C3orf70: variants seen among roughly 807,000 people sequenced by gnomAD.
C3orf70 encodes the protein UPF0524 protein C3orf70.
A neutral mutation model predicts 20.7 loss-of-function variants in C3orf70; 15 were observed. The observed-to-expected ratio is 0.72, with a 90% CI of 0.48 to 1.11. The LOEUF (loss-of-function observed/expected upper bound fraction) is 1.11, where lower values mean the gene tolerates loss of function less well. C3orf70 is among the 50% of genes most tolerant of loss of function. C3orf70 has a pLI of 0.00. For synonymous variants in C3orf70, 161 were observed against 125.7 expected (o/e 1.28, Z -1.88); for missense variants, 332 against 317.6 (o/e 1.05, Z -0.34).
At chr3:185,084,550 C>T (rs975494389) in intron 1 of C3orf70, among the ~76,000 whole-genome samples, 1 of 151,682 alleles carries the variant, frequency 6.6e-6, no homozygotes, top group Middle Eastern at 3.2e-3. Flanking sequence ...ACTAAGCGAC[C>T]TAAGCCAAGC....
chr3:185,091,945 ATATATATATATATATATATTT>A (rs1561330909), intron 1 of C3orf70, among the ~76,000 whole-genome samples: 282 of 6,902 alleles, frequency 0.041, 22 homozygotes, highest in African/African-American at 0.067. Context: ...ATATATATAT[ATATATATATATATATATATTT>A]TTTTTTTTTT....
In C3orf70 at chr3:185,114,910, T is replaced by A. The variant is rs1469530615; in HGVS notation, c.197-31347A>T. Among the ~76,000 whole-genome samples, 3 of 152,192 alleles carry A rather than the reference T, an allele frequency of 2.0e-5. No individual in the cohort carries two copies. The East Asian group carries it at 5.8e-4, about 29-fold the overall frequency. Reference sequence around the variant, plus strand: ...TTGTTTTCAATAAGAAGCCCTAAACTCTGAGGCAGAAGGCCAGATTCTTAC... The same window carrying A: ...TTGTTTTCAATAAGAAGCCCTAAACACTGAGGCAGAAGGCCAGATTCTTAC... On this transcript the variant is annotated intron_variant, in intron 1 of 1. Coordinates refer to ENST00000335012, the MANE Select transcript of C3orf70 (RefSeq NM_001025266.3).
Position 185,152,721 on chromosome 3 carries a change from A to G in C3orf70, c.103T>C (p.Phe35Leu). 1 of 1,594,386 alleles carries G rather than the reference A, an allele frequency of 6.3e-7. No individual in the cohort carries two copies. The highest frequency in any genetic ancestry group is 8.5e-7 in the Non-Finnish European group (1 of 1,171,028). ...ARSCAARRPD[F>L]QPCDGLSICA... ...ATAGACAGCCCGTCGCACGGCTGGA[A>G]GTCGGGTCTGCGGGCGGCGCAACTC... The change falls in exon 1 of 2, where the codon TTC becomes CTC. Residue 35 changes from phenylalanine to leucine, a missense_variant. Physicochemically the swap from Phe to Leu is conservative, Grantham distance 22. Transcript: ENST00000335012.
chr3:185,086,992 G>A (rs781613889), intron 1 of C3orf70, among the ~76,000 whole-genome samples: 1 of 152,056 alleles, frequency 6.6e-6, no homozygotes, highest in Non-Finnish European at 1.5e-5. Flanking sequence ...ATATCCCTGG[G>A]GTATCCTAGG....
intron 1 of C3orf70, among the ~76,000 whole-genome samples, chr3:185,106,003 A>C (rs1182726961): frequency 6.6e-6 from 1 of 152,154 alleles, no homozygotes; most frequent in African/African-American, 2.4e-5. Context: ...AAGGAAGGAG[A>C]GGTTCATCCC....
Position 185,083,135 on chromosome 3 carries a change from C to A in C3orf70, c.625G>T (p.Glu209Ter), listed in dbSNP as rs1343568427. The A allele has an allele frequency of 3.1e-6, 5 of 1,614,070 alleles. No individual in the cohort carries two copies. The highest frequency in any genetic ancestry group is 2.5e-6 in the Non-Finnish European group (3 of 1,180,036). ...TCCTCTGAACTCAGTTCTGCTCCTT[C>A]TTCTGTGTCCTCGTCACACGATTCC... ...YVESCDEDTEEGAELSSEEDY... is the reference protein window; with the variant it reads ...YVESCDEDTE The change falls in exon 2 of 2, where the codon GAA (glutamate) becomes TAA (stop). Residue 209 changes from glutamate (E) to a stop codon, truncating the protein, a stop_gained. Transcript: ENST00000335012. LOFTEE classifies it high-confidence loss of function.
intron 1 of C3orf70, among the ~76,000 whole-genome samples, chr3:185,152,270 G>A (rs187983025): frequency 7.3e-4 from 111 of 152,314 alleles, no homozygotes; most frequent in African/African-American, 2.4e-3. Context: ...CAACTCAGCT[G>A]GCTCGCTCCC....
chr3:185,116,798 A>C (rs1386985469), intron 1 of C3orf70, among the ~76,000 whole-genome samples: 2 of 144,088 alleles, frequency 1.4e-5, no homozygotes, highest in Non-Finnish European at 3.0e-5. Context: ...TTTTTTTTTG[A>C]GACGGAGTCT....
chr3:185,116,722 C>G (rs781752136), intron 1 of C3orf70, among the ~76,000 whole-genome samples: 1 of 151,996 alleles, frequency 6.6e-6, no homozygotes, highest in Admixed American at 6.6e-5. Context: ...GAAAAGCAAA[C>G]ACAGAATCAT....
intron 1 of C3orf70, among the ~76,000 whole-genome samples, chr3:185,144,008 A>T (rs1209585005): frequency 3.3e-5 from 5 of 151,332 alleles, no homozygotes; most frequent in African/African-American, 1.2e-4. Flanking sequence ...ACACACACAC[A>T]CACTCAACAC....
At chr3:185,135,437 A>G (rs1716604922) in intron 1 of C3orf70, among the ~76,000 whole-genome samples, 1 of 152,210 alleles carries the variant, frequency 6.6e-6, no homozygotes, top group African/African-American at 2.4e-5. Context: ...CCTGGTCAAC[A>G]TGATGAAACC....
At chr3:185,101,557 G>T (rs1274955945) in intron 1 of C3orf70, among the ~76,000 whole-genome samples, 1 of 152,198 alleles carries the variant, frequency 6.6e-6, no homozygotes, top group Non-Finnish European at 1.5e-5. Context: ...ACAGGCGTCT[G>T]CTTCTGGGGA....
At chr3:185,125,509 C>A (rs958118247) in intron 1 of C3orf70, among the ~76,000 whole-genome samples, 1 of 152,124 alleles carries the variant, frequency 6.6e-6, no homozygotes, top group Non-Finnish European at 1.5e-5. Flanking sequence ...GGCATTTACT[C>A]AAGAGAAATG....
At chr3:185,102,519 A>G (rs964212106) in intron 1 of C3orf70, among the ~76,000 whole-genome samples, 1 of 152,238 alleles carries the variant, frequency 6.6e-6, no homozygotes, top group Non-Finnish European at 1.5e-5. Context: ...TATTCCTATC[A>G]AACTACAAAT....
intron 1 of C3orf70, among the ~76,000 whole-genome samples, chr3:185,101,003 T>A (rs1165560868): frequency 6.6e-6 from 1 of 151,996 alleles, no homozygotes; most frequent in African/African-American, 2.4e-5. Flanking sequence ...AATTGCTGAA[T>A]AGACTAGTAA....
intron 1 of C3orf70, among the ~76,000 whole-genome samples, chr3:185,086,191 C>CTT (rs113194488): frequency 2.6e-5 from 4 of 151,558 alleles, no homozygotes; most frequent in African/African-American, 9.7e-5. Context: ...CACTCCATCT[C>CTT]TTTTTTTTTC....
At chr3:185,096,368 G>A (rs138839069) in intron 1 of C3orf70, among the ~76,000 whole-genome samples, 72 of 152,260 alleles carry the variant, frequency 4.7e-4, no homozygotes, top group Non-Finnish European at 9.3e-4. Flanking sequence ...CTTTGTTCCT[G>A]AACCACCTCT....
chr3:185,127,969 T>G (rs989052090), intron 1 of C3orf70, among the ~76,000 whole-genome samples: 1 of 152,182 alleles, frequency 6.6e-6, no homozygotes, highest in Admixed American at 6.5e-5. Flanking sequence ...AACACAAAGT[T>G]AAGCATAAAC....
chr3:185,112,281 T>C (rs1395720760), intron 1 of C3orf70, among the ~76,000 whole-genome samples: 1 of 152,100 alleles, frequency 6.6e-6, no homozygotes, highest in African/African-American at 2.4e-5. Flanking sequence ...TAGAGCGAGA[T>C]TCTGTATCAA....
Sources: allele counts gnomAD v4.1 joint callset (sites outside exome capture counted in the v4.1 genomes callset), GRCh38; gene constraint gnomAD v4.1.1; transcripts MANE v1.5; gene names NCBI Gene and HGNC (gene_info 2026-07-23, HGNC 2026-07-21).